Variants in TBXAS1 observed in about 807,000 individuals in gnomAD.
TBXAS1 encodes thromboxane-A synthase.
In TBXAS1, 48 loss-of-function variants were observed where a neutral mutation model predicts 60.7. The ratio of observed to expected loss-of-function variants is 0.79; its 90% CI spans 0.63 to 1.01. The LOEUF (loss-of-function observed/expected upper bound fraction) is 1.01, where lower values mean the gene tolerates loss of function less well. TBXAS1 is among the 50% of genes least tolerant of loss of function. The pLI, the probability that TBXAS1 is intolerant of heterozygous loss-of-function variation, is 0.00. For missense variants in TBXAS1, 685 were observed against 686.3 expected, an observed-to-expected ratio of 1.00 and a Z score of 0.02; for synonymous variants, 287 against 269.7, an observed-to-expected ratio of 1.06 and a Z score of -0.63.
intron 1 of TBXAS1, among the ~76,000 whole-genome samples, chr7:139,855,861 C>A (rs1337404832): frequency 6.6e-6 from 1 of 152,188 alleles, no homozygotes; most frequent in African/African-American, 2.4e-5. Context: ...AAAATATCTG[C>A]TTTGCCTTCA....
At chr7:139,781,719 C>A (rs1470934887) in intron 2 of TBXAS1, among the ~76,000 whole-genome samples, 1 of 151,248 alleles carries the variant, frequency 6.6e-6, no homozygotes, top group South Asian at 2.1e-4. Context: ...CCTGTAATCC[C>A]AGCTACTTGG....
chr7:139,936,334 T>C (rs774284512), intron 5 of TBXAS1, 27 bp downstream of exon 5: 12 of 1,604,794 alleles, frequency 7.5e-6, no homozygotes, highest in Admixed American at 3.3e-5. Flanking sequence ...GCAAACTCTC[T>C]TCTCTTACGG....
intron 3 of TBXAS1, among the ~76,000 whole-genome samples, chr7:139,882,300 A>G (rs1440890988): frequency 1.3e-5 from 2 of 152,230 alleles, no homozygotes; most frequent in African/African-American, 4.8e-5. Flanking sequence ...CTGGGCTTGA[A>G]CATGTGGCTG....
intron 3 of TBXAS1, among the ~76,000 whole-genome samples, chr7:139,895,398 G>T (rs1027010057): frequency 2.0e-5 from 3 of 152,186 alleles, no homozygotes; most frequent in African/African-American, 4.8e-5. Context: ...CTAGAGATGG[G>T]GTTTGAGGGG....
rs543624800 is a variant in TBXAS1, at chr7:139,853,869, T to C, written c.90-18366T>C. On this transcript the variant is annotated intron_variant, in intron 1 of 12. Transcript: ENST00000448866. ...ATACATTGTGTTCTCCTGCTCTTCATTGGCAATCATCCCCAGTAGGGAATC... is the reference window on the plus strand; with the variant it reads ...ATACATTGTGTTCTCCTGCTCTTCACTGGCAATCATCCCCAGTAGGGAATC... Among the ~76,000 whole-genome samples, 12 of 152,328 alleles carry C rather than the reference T, an allele frequency of 7.9e-5. No individual in the cohort carries two copies. The East Asian group carries it at 1.5e-3, about 20-fold the overall frequency.
At position 139,955,441 on chromosome 7, in the gene TBXAS1, T is replaced by G; in HGVS notation, c.540-18T>G. ...CTGCCAGAGTCCTTTCAGATCTCTGTGCTCCCATCTCCCGTAGGTGCTACT... is the reference window on the plus strand; with the variant it reads ...CTGCCAGAGTCCTTTCAGATCTCTGGGCTCCCATCTCCCGTAGGTGCTACT... On this transcript the variant is annotated intron_variant, in intron 6 of 12. Transcript: ENST00000448866. The G allele has an allele frequency of 6.2e-7, 1 of 1,614,098 alleles. No homozygotes were observed. Among genetic ancestry groups the G allele is most frequent in the Middle Eastern group, 1.6e-4 (1 of 6,062 alleles).
At chr7:139,994,871 G>A (rs2117623350) in intron 9 of TBXAS1, among the ~76,000 whole-genome samples, 1 of 152,292 alleles carries the variant, frequency 6.6e-6, no homozygotes, top group Admixed American at 6.5e-5. Flanking sequence ...TCGGTGGTCT[G>A]CTGAAAATGC....
At chr7:139,817,343 C>A (rs1181504495) in intron 4 of TBXAS1, among the ~76,000 whole-genome samples, 1 of 152,136 alleles carries the variant, frequency 6.6e-6, no homozygotes, top group Non-Finnish European at 1.5e-5. Flanking sequence ...GCCTGCTCCA[C>A]AAGACGCCGC....
chr7:139,946,926 A>C (rs192076897), intron 5 of TBXAS1, among the ~76,000 whole-genome samples: 1 of 152,332 alleles, frequency 6.6e-6, no homozygotes, highest in Admixed American at 6.5e-5. Flanking sequence ...AGTATTCTCC[A>C]ACAAGGTCGG....
intron 9 of TBXAS1, among the ~76,000 whole-genome samples, chr7:140,005,167 G>A (rs1248960956): frequency 2.0e-5 from 3 of 152,330 alleles, no homozygotes; most frequent in Admixed American, 6.5e-5. Context: ...AGTGGCTCAC[G>A]CCTGTAACTC....
chr7:140,016,519 A>C (rs967137376), intron 11 of TBXAS1: 2 of 213,444 alleles, frequency 9.4e-6, no homozygotes, highest in Middle Eastern at 4.5e-4. Flanking sequence ...TCAGGTCTGC[A>C]CTGGAAAGTA....
chr7:140,001,812 T>C (rs115614644), intron 9 of TBXAS1, among the ~76,000 whole-genome samples: 283 of 152,362 alleles, frequency 1.9e-3, no homozygotes, highest in African/African-American at 6.2e-3. Context: ...TTGATTCATA[T>C]TTGTTTTAGG....
intron 9 of TBXAS1, among the ~76,000 whole-genome samples, chr7:139,994,818 T>C (rs1813178184): frequency 6.6e-6 from 1 of 152,208 alleles, no homozygotes; most frequent in African/African-American, 2.4e-5. Context: ...AGCTGTTCAA[T>C]AATAGATTCC....
chr7:140,018,263 G>A (rs117670396), intron 12 of TBXAS1, among the ~76,000 whole-genome samples: 5 of 152,142 alleles, frequency 3.3e-5, no homozygotes, highest in African/African-American at 1.2e-4. Context: ...CCTACAGAAG[G>A]TGGGGACACT....
At chr7:139,792,732 A>G (rs1797425537) in intron 4 of TBXAS1, among the ~76,000 whole-genome samples, 1 of 152,210 alleles carries the variant, frequency 6.6e-6, no homozygotes, top group Non-Finnish European at 1.5e-5. Flanking sequence ...TAGACTTCCA[A>G]GTCAACCCTA....
intron 3 of TBXAS1, among the ~76,000 whole-genome samples, chr7:139,878,779 T>C (rs1802459803): frequency 6.6e-6 from 1 of 152,238 alleles, no homozygotes; most frequent in African/African-American, 2.4e-5. Context: ...TATTTTATTT[T>C]TTATTTTACT....
intron 9 of TBXAS1, among the ~76,000 whole-genome samples, chr7:139,979,470 T>C (rs1811807735): frequency 6.6e-6 from 1 of 152,076 alleles, no homozygotes; most frequent in Non-Finnish European, 1.5e-5. Context: ...CTCACACCTG[T>C]AATCCCAGCA....
At chr7:139,920,078 T>C (rs572925021) in intron 4 of TBXAS1, among the ~76,000 whole-genome samples, 26 of 152,320 alleles carry the variant, frequency 1.7e-4, no homozygotes, top group South Asian at 1.4e-3. Flanking sequence ...CTCAAGATCA[T>C]TGAAGCTAGC....
At chr7:139,895,294 C>G (rs1303702088) in intron 3 of TBXAS1, among the ~76,000 whole-genome samples, 2 of 151,860 alleles carry the variant, frequency 1.3e-5, no homozygotes, top group Non-Finnish European at 1.5e-5. Context: ...CACTGGAAAG[C>G]CTTCGTTGCC....
Sources: allele counts gnomAD v4.1 joint callset (sites outside exome capture counted in the v4.1 genomes callset), GRCh38; gene constraint gnomAD v4.1.1; transcripts MANE v1.5; gene names NCBI Gene and HGNC (gene_info 2026-07-23, HGNC 2026-07-21).